UNC80: variants seen among roughly 807,000 people sequenced by gnomAD.
The protein encoded by UNC80 is unc-80 subunit of NALCN channel complex, also known as protein unc-80 homolog.
UNC80 carries 164 observed loss-of-function variants against 384.6 expected under a neutral mutation model. The observed-to-expected ratio is 0.43, with a 90% CI of 0.38 to 0.49. The LOEUF is 0.49. UNC80 is among the 20% of genes least tolerant of loss of function. The probability of loss-of-function intolerance (pLI) is 0.00; values close to 1 mark genes in which losing one functional copy is unlikely to be tolerated. For synonymous variants in UNC80, 1,486 were observed against 1,527.8 expected, an observed-to-expected ratio of 0.97 and a Z score of 0.64; for missense variants, 3,330 against 4,143.0, an observed-to-expected ratio of 0.80 and a Z score of 5.39.
rs150682662 is a variant in UNC80 at position 209,896,571 on chromosome 2, C to T, written c.4581+158C>T. Among the ~76,000 whole-genome samples the T allele has an allele frequency of 2.6e-3, 396 of 152,272 alleles. 3 individuals carry two copies. Among genetic ancestry groups the T allele is most frequent in the African/African-American group, 9.2e-3 (382 of 41,554 alleles). On this transcript the variant is annotated intron_variant, in intron 28 of 64. Transcript: ENST00000673920. ...TTTTACCTGAATATCTCAACACTCTCTAGAATTGGTATTCTGCTGGATTGT... is the reference window on the plus strand; with the variant it reads ...TTTTACCTGAATATCTCAACACTCTTTAGAATTGGTATTCTGCTGGATTGT...
intron 47 of UNC80, among the ~76,000 whole-genome samples, chr2:209,947,933 T>C (rs2091985707): frequency 6.6e-6 from 1 of 152,178 alleles, no homozygotes; most frequent in African/African-American, 2.4e-5. Flanking sequence ...AATAGTATAG[T>C]AGCTACTTTT....
intron 30 of UNC80, 132 bp downstream of exon 30, chr2:209,912,799 G>A (rs2089098308): frequency 3.4e-6 from 2 of 587,460 alleles, no homozygotes; most frequent in East Asian, 3.2e-5. Context: ...TTCAGTTGGT[G>A]AGCAAGAGTG....
chr2:209,886,895 G>A (rs561358082), intron 25 of UNC80, among the ~76,000 whole-genome samples: 2 of 152,234 alleles, frequency 1.3e-5, no homozygotes, highest in South Asian at 4.1e-4. Flanking sequence ...AGGTATTGCT[G>A]GGCTAAAATC....
At position 209,978,519 on chromosome 2, in the gene UNC80, C is replaced by T. The variant is rs781337538; in HGVS notation, c.8939-10C>T. 2.2e-5 allele frequency: 34 copies of T among 1,525,230 alleles called. No homozygotes were observed. In the Admixed American group the frequency reaches 2.4e-4, roughly 11 times the overall value. 94.5% of individuals were successfully genotyped at this position (1,525,230 alleles called of 1,614,324 possible). On this transcript the variant is annotated splice_polypyrimidine_tract_variant and intron_variant, in intron 58 of 64. Coordinates refer to ENST00000673920, the MANE Select transcript of UNC80 (RefSeq NM_001371986.1). ...ACCATGCATTTCCTTTGGTCTCTCGCATCCTCTAGCCTACCAAGGCAAGAC... is the reference window on the plus strand; with the variant it reads ...ACCATGCATTTCCTTTGGTCTCTCGTATCCTCTAGCCTACCAAGGCAAGAC...
chr2:209,946,498 C>CA (rs1404025336), intron 47 of UNC80, among the ~76,000 whole-genome samples: 1 of 152,122 alleles, frequency 6.6e-6, no homozygotes, highest in Non-Finnish European at 1.5e-5. Flanking sequence ...GAATTTTGTG[C>CA]AGATGCTAAG....
At chr2:209,960,111 T>C (rs772857506) in intron 51 of UNC80, among the ~76,000 whole-genome samples, 6 of 152,338 alleles carry the variant, frequency 3.9e-5, no homozygotes, top group Non-Finnish European at 8.8e-5. Flanking sequence ...ACAACTACTT[T>C]CTGCTTCTAG....
chr2:209,918,067 T>C (rs1008975236), intron 32 of UNC80, 109 bp downstream of exon 32: 1 of 1,058,824 alleles, frequency 9.4e-7, no homozygotes, highest in African/African-American at 1.6e-5. Context: ...TTCTTCTTTT[T>C]TCTCTCTGAT....
intron 23 of UNC80, among the ~76,000 whole-genome samples, chr2:209,874,993 G>A (rs1208399903): frequency 6.6e-6 from 1 of 152,010 alleles, no homozygotes; most frequent in East Asian, 1.9e-4. Flanking sequence ...TCATGTCACT[G>A]AAGCCCCTTA....
At chr2:209,814,840 A>C (rs1559135022) in intron 8 of UNC80, among the ~76,000 whole-genome samples, 2 of 152,298 alleles carry the variant, frequency 1.3e-5, no homozygotes, top group Middle Eastern at 3.4e-3. Context: ...TTTTCTGCAT[A>C]TTCTGAAAAC....
rs1479201846 is a variant in UNC80 at position 209,816,948 on chromosome 2, A to G, written c.1375A>G (p.Ile459Val). 1.3e-6 allele frequency: 2 copies of G among 1,551,716 alleles called. No homozygotes were observed. Among genetic ancestry groups the G allele is most frequent in the Middle Eastern group, 1.7e-4 (1 of 5,992 alleles). Residue 459 changes from isoleucine (I) to valine (V), a missense_variant, in exon 10 of 65, where the codon ATT becomes GTT. Physicochemically the swap from Ile to Val is conservative, Grantham distance 29. Around this residue, in one of 8 missense-constraint regions of UNC80, gnomAD observed 937 missense variants for 1,026.8 expected, o/e 0.91. Transcript: ENST00000673920. Reference sequence around the variant, plus strand: ...AGAAGACCGAGAGAGGAAAGGCTCCATTCCATTCCACCACACAGGCAAGAG... The same window carrying G: ...AGAAGACCGAGAGAGGAAAGGCTCCGTTCCATTCCACCACACAGGCAAGAG... Reference protein sequence around the residue: ...RKEDRERKGSIPFHHTGKRRP... With the variant: ...RKEDRERKGSVPFHHTGKRRP...
chr2:209,835,031 C>T (rs1168887768), intron 18 of UNC80, 21 bp downstream of exon 18: 2 of 1,533,506 alleles, frequency 1.3e-6, no homozygotes, highest in Admixed American at 3.9e-5. Flanking sequence ...TTGGTTTTGT[C>T]TCCAGTGCAG....
chr2:209,879,772 C>G (rs908140434), intron 24 of UNC80, among the ~76,000 whole-genome samples: 3 of 152,106 alleles, frequency 2.0e-5, no homozygotes, highest in Non-Finnish European at 4.4e-5. Context: ...AAGCAACTTT[C>G]GGGCTGGAAA....
intron 7 of UNC80, among the ~76,000 whole-genome samples, chr2:209,797,172 A>G (rs2153826010): frequency 1.3e-5 from 2 of 152,316 alleles, no homozygotes; most frequent in South Asian, 4.2e-4. Flanking sequence ...GTATTGTTAA[A>G]CAATATTCTT....
intron 48 of UNC80, among the ~76,000 whole-genome samples, chr2:209,955,337 T>C (rs886453405): frequency 1.3e-5 from 2 of 152,028 alleles, no homozygotes; most frequent in East Asian, 3.9e-4. Flanking sequence ...GGGATTGTAA[T>C]TCATTAGCAG....
intron 21 of UNC80, 64 bp from the exon 22 acceptor site, chr2:209,849,387 T>C: frequency 6.5e-7 from 1 of 1,529,120 alleles, no homozygotes; most frequent in Non-Finnish European, 8.8e-7. Context: ...TGAAACTCTT[T>C]TTAAACCTGT....
intron 7 of UNC80, among the ~76,000 whole-genome samples, chr2:209,812,189 A>C (rs1290137198): frequency 6.6e-6 from 1 of 150,408 alleles, no homozygotes; most frequent in Non-Finnish European, 1.5e-5. Flanking sequence ...AGCTGAGACT[A>C]CAGGCGCCCG....
At chr2:209,799,935 G>A (rs1374950674) in intron 7 of UNC80, among the ~76,000 whole-genome samples, 1 of 152,118 alleles carries the variant, frequency 6.6e-6, no homozygotes, top group Non-Finnish European at 1.5e-5. Flanking sequence ...TGGTCATGGT[G>A]GACATCTTTT....
intron 7 of UNC80, among the ~76,000 whole-genome samples, chr2:209,805,649 C>G (rs1266155706): frequency 6.6e-6 from 1 of 152,142 alleles, no homozygotes; most frequent in East Asian, 1.9e-4. Context: ...TCTGGTTTCC[C>G]CAAAACAAAT....
chr2:209,989,745 A>C (rs193156806), intron 61 of UNC80, among the ~76,000 whole-genome samples: 124 of 152,320 alleles, frequency 8.1e-4, no homozygotes, highest in Middle Eastern at 6.8e-3. Context: ...GATGACTGAA[A>C]TATTACATGA....
Sources: allele counts gnomAD v4.1 joint callset (sites outside exome capture counted in the v4.1 genomes callset), GRCh38; gene constraint gnomAD v4.1.1; regional missense constraint gnomAD v4.1.1; transcripts MANE v1.5; gene names NCBI Gene and HGNC (gene_info 2026-07-23, HGNC 2026-07-21).